Variants in TMTC2 observed in about 807,000 individuals in gnomAD.
TMTC2 encodes the protein protein O-mannosyl-transferase TMTC2.
TMTC2 carries 43 observed loss-of-function variants against 82.4 expected under a neutral mutation model. The observed-to-expected ratio is 0.52, with a 90% CI of 0.41 to 0.67. The LOEUF (loss-of-function observed/expected upper bound fraction) is 0.67. Ranked by LOEUF, TMTC2 falls within the 30% of genes least tolerant of loss-of-function variation. The pLI, the probability that TMTC2 is intolerant of heterozygous loss-of-function variation, is 0.00. For synonymous variants in TMTC2, 408 were observed against 381.9 expected, an observed-to-expected ratio of 1.07 and a Z score of -0.80; for missense variants, 919 against 1,012.4, an observed-to-expected ratio of 0.91 and a Z score of 1.25.
chr12:83,104,815 G>C (rs1010801043), intron 11 of TMTC2, among the ~76,000 whole-genome samples: 3 of 152,170 alleles, frequency 2.0e-5, no homozygotes, highest in Non-Finnish European at 2.9e-5. Context: ...TCCCTAAAAA[G>C]CTTTTTCTTT....
intron 2 of TMTC2, among the ~76,000 whole-genome samples, chr12:82,885,814 C>A (rs999311832): frequency 4.6e-5 from 7 of 152,158 alleles, no homozygotes; most frequent in African/African-American, 1.4e-4. Flanking sequence ...TCAGGTTTCT[C>A]CACCGTAAAG....
At chr12:82,853,613 TG>T (rs1462616016) in intron 1 of TMTC2, among the ~76,000 whole-genome samples, 2 of 152,234 alleles carry the variant, frequency 1.3e-5, no homozygotes, top group African/African-American at 4.8e-5. Flanking sequence ...TAGTTGGTCA[TG>T]GCATTGAACT....
At chr12:82,790,615 G>C (rs549056104) in intron 1 of TMTC2, among the ~76,000 whole-genome samples, 1 of 151,860 alleles carries the variant, frequency 6.6e-6, no homozygotes, top group African/African-American at 2.4e-5. Flanking sequence ...GATCACCTGA[G>C]GTCAGGAGTT....
At chr12:83,109,180 G>A (rs997252730) in intron 11 of TMTC2, among the ~76,000 whole-genome samples, 3 of 152,144 alleles carry the variant, frequency 2.0e-5, no homozygotes, top group Non-Finnish European at 4.4e-5. Flanking sequence ...AGTTTCACAG[G>A]CCATACAGGA....
chr12:82,714,610 T>C (rs1332813550), intron 1 of TMTC2, among the ~76,000 whole-genome samples: 1 of 152,184 alleles, frequency 6.6e-6, no homozygotes, highest in Non-Finnish European at 1.5e-5. Flanking sequence ...TCTTTCAGGA[T>C]AATGTGCTAG....
At chr12:82,935,656 G>A (rs1876276000) in intron 4 of TMTC2, among the ~76,000 whole-genome samples, 1 of 152,050 alleles carries the variant, frequency 6.6e-6, no homozygotes, top group Non-Finnish European at 1.5e-5. Flanking sequence ...TGTTCCAAAT[G>A]ATATTTAAAA....
intron 1 of TMTC2, among the ~76,000 whole-genome samples, chr12:82,717,852 G>C (rs1017589963): frequency 2.6e-5 from 4 of 151,974 alleles, no homozygotes; most frequent in Admixed American, 1.3e-4. Context: ...AAATAAAGTC[G>C]CCAACAAAGT....
intron 10 of TMTC2, among the ~76,000 whole-genome samples, chr12:83,056,855 C>T (rs1017982317): frequency 6.6e-6 from 1 of 151,902 alleles, no homozygotes; most frequent in African/African-American, 2.4e-5. Context: ...GTCTTTCAAC[C>T]CTGTGCCTTT....
chr12:83,090,286 A>G (rs909855798), intron 11 of TMTC2, among the ~76,000 whole-genome samples: 6 of 152,248 alleles, frequency 3.9e-5, no homozygotes, highest in African/African-American at 1.4e-4. Context: ...AATTACAGTT[A>G]GAGAAATCAA....
intron 11 of TMTC2, among the ~76,000 whole-genome samples, chr12:83,086,229 G>A (rs569488555): frequency 1.3e-5 from 2 of 151,422 alleles, no homozygotes; most frequent in African/African-American, 2.4e-5. Context: ...AGGCAGAGGC[G>A]CTCCTTACTT....
chr12:82,943,421 C>A (rs1377605758), intron 4 of TMTC2, among the ~76,000 whole-genome samples: 1 of 152,156 alleles, frequency 6.6e-6, no homozygotes, highest in Non-Finnish European at 1.5e-5. Flanking sequence ...TTCAAAGTTT[C>A]ATCACCTCCT....
chr12:82,866,243 T>TTAAAAA (rs1871849151), intron 2 of TMTC2, among the ~76,000 whole-genome samples: 1 of 74,136 alleles, frequency 1.3e-5, no homozygotes. Flanking sequence ...TTTGAAAAGA[T>TTAAAAA]CAAAAAAAAA....
At chr12:83,129,775 AT>A (rs1885207478) in intron 11 of TMTC2, among the ~76,000 whole-genome samples, 1 of 152,192 alleles carries the variant, frequency 6.6e-6, no homozygotes, top group Non-Finnish European at 1.5e-5. Context: ...TAATGTGGGT[AT>A]TCTCATATGA....
chr12:82,744,551 C>CA (rs1287348410), intron 1 of TMTC2, among the ~76,000 whole-genome samples: 4 of 128,218 alleles, frequency 3.1e-5, no homozygotes, highest in Non-Finnish European at 6.2e-5. Context: ...TACCACTGCA[C>CA]TCCAGCCTGG....
intron 8 of TMTC2, among the ~76,000 whole-genome samples, chr12:83,022,485 C>A (rs1880978036): frequency 6.6e-6 from 1 of 151,542 alleles, no homozygotes; most frequent in African/African-American, 2.4e-5. Context: ...AAAATGTGAG[C>A]TGCACCAGGG....
chr12:82,999,761 C>T (rs754818075), intron 8 of TMTC2, among the ~76,000 whole-genome samples: 1 of 152,142 alleles, frequency 6.6e-6, no homozygotes, highest in Admixed American at 6.5e-5. Flanking sequence ...TCACCAGGTC[C>T]CTTCCACAAT....
chr12:82,842,918 C>A (rs1350071712), intron 1 of TMTC2, among the ~76,000 whole-genome samples: 1 of 152,116 alleles, frequency 6.6e-6, no homozygotes, highest in African/African-American at 2.4e-5. Flanking sequence ...ATCCTATCTA[C>A]AAATACAGTC....
At chr12:82,719,059 T>TTA (rs1271920285) in intron 1 of TMTC2, among the ~76,000 whole-genome samples, 1,780 of 94,238 alleles carry the variant, frequency 0.019, 97 homozygotes, top group Middle Eastern at 0.029. Context: ...TTAGATGATT[T>TTA]TATATATATA....
intron 4 of TMTC2, among the ~76,000 whole-genome samples, chr12:82,936,362 A>T (rs1565817329): frequency 6.6e-6 from 1 of 152,142 alleles, no homozygotes; most frequent in Non-Finnish European, 1.5e-5. Context: ...ATTGCAATGT[A>T]TCTGACTAAA....
Sources: gnomAD v4.1 joint callset for allele counts (sites outside exome capture counted in the v4.1 genomes callset) on GRCh38, gnomAD v4.1.1 for gene constraint, MANE v1.5 for transcripts, NCBI Gene and HGNC (gene_info 2026-07-23, HGNC 2026-07-21) for gene names.